DCDC1: variants seen among roughly 807,000 people sequenced by gnomAD.
The protein encoded by DCDC1 is doublecortin domain containing 1.
DCDC1 carries 200 observed loss-of-function variants against 178.3 expected under a neutral mutation model. That is an observed-to-expected ratio of 1.12 (90% CI 1.00 to 1.26). The LOEUF (loss-of-function observed/expected upper bound fraction) is 1.26, where lower values mean the gene tolerates loss of function less well. DCDC1 is among the 50% of genes most tolerant of loss of function. The probability of loss-of-function intolerance (pLI) is 0.00; values close to 1 mark genes in which losing one functional copy is unlikely to be tolerated. For synonymous variants in DCDC1, 690 were observed against 604.8 expected (o/e 1.14, Z -2.07); for missense variants, 1,983 against 1,749.2 (o/e 1.13, Z -2.38).
chr11:31,348,977 C>A (rs1950942874), intron 1 of DCDC1, among the ~76,000 whole-genome samples: 2 of 151,830 alleles, frequency 1.3e-5, no homozygotes, highest in South Asian at 4.2e-4. Context: ...ATAGTTATAT[C>A]CCTGAGTAAA....
chr11:31,253,232 T>C (rs1300027449), intron 8 of DCDC1, among the ~76,000 whole-genome samples: 2 of 152,204 alleles, frequency 1.3e-5, no homozygotes, highest in Non-Finnish European at 2.9e-5. Context: ...AGTATTTTCA[T>C]CTCTCACTAT....
intron 1 of DCDC1, among the ~76,000 whole-genome samples, chr11:31,344,972 C>T (rs574707393): frequency 2.0e-5 from 3 of 152,260 alleles, no homozygotes; most frequent in East Asian, 1.9e-4. Flanking sequence ...ATTATGCATG[C>T]TCTCCCCAAC....
intron 38 of DCDC1, among the ~76,000 whole-genome samples, chr11:30,873,278 G>A (rs1941766362): frequency 7.0e-6 from 1 of 143,166 alleles, no homozygotes; most frequent in Non-Finnish European, 1.5e-5. Flanking sequence ...AAGAGGCAAG[G>A]AAAAATTTAA....
intron 20 of DCDC1, among the ~76,000 whole-genome samples, chr11:31,015,418 C>T (rs913420540): frequency 2.0e-5 from 3 of 152,004 alleles, no homozygotes; most frequent in Non-Finnish European, 2.9e-5. Context: ...TTCCTTTTAT[C>T]TTGCTCATCA....
chr11:31,091,304 A>T, intron 17 of DCDC1, 89 bp downstream of exon 17: 1 of 593,850 alleles, frequency 1.7e-6, no homozygotes, highest in East Asian at 2.8e-5. Context: ...TGAATATTCA[A>T]TCCAAACCAG....
At chr11:31,331,511 T>C (rs985629197) in intron 2 of DCDC1, among the ~76,000 whole-genome samples, 1 of 152,228 alleles carries the variant, frequency 6.6e-6, no homozygotes, top group Non-Finnish European at 1.5e-5. Flanking sequence ...TGATATTGGC[T>C]GGGGGTTTGT....
intron 27 of DCDC1, among the ~76,000 whole-genome samples, chr11:30,912,778 CCT>C (rs1314502453): frequency 6.6e-6 from 1 of 152,120 alleles, no homozygotes; most frequent in African/African-American, 2.4e-5. Context: ...TGGGCAATCT[CCT>C]TCAGCCATAG....
At chr11:30,949,676 T>TA (rs1421503451) in intron 21 of DCDC1, among the ~76,000 whole-genome samples, 2 of 151,972 alleles carry the variant, frequency 1.3e-5, no homozygotes, top group Non-Finnish European at 2.9e-5. Context: ...CATGCAGCCA[T>TA]AAAAAGGGAT....
intron 9 of DCDC1, among the ~76,000 whole-genome samples, chr11:31,219,631 A>G (rs1974014585): frequency 6.6e-6 from 1 of 152,216 alleles, no homozygotes. Context: ...TCATTCTTTC[A>G]CTGGTTTATC....
At chr11:30,946,723 G>A (rs16921591) in intron 21 of DCDC1, among the ~76,000 whole-genome samples, 2,928 of 152,286 alleles carry the variant, frequency 0.019, 91 homozygotes, top group African/African-American at 0.066. Context: ...TTGACTCTCT[G>A]CTGCAAACAA....
chr11:31,011,931 G>T (rs551411992), intron 20 of DCDC1, among the ~76,000 whole-genome samples: 1 of 152,186 alleles, frequency 6.6e-6, no homozygotes, highest in Non-Finnish European at 1.5e-5. Context: ...AATCCCCAGC[G>T]TTGGAGGAGG....
intron 20 of DCDC1, among the ~76,000 whole-genome samples, chr11:30,978,764 T>G (rs2134765771): frequency 7.2e-6 from 1 of 139,476 alleles, no homozygotes. Context: ...TTCTTCATCC[T>G]CCCAGTCCCC....
intron 1 of DCDC1, among the ~76,000 whole-genome samples, chr11:31,347,580 G>T (rs903514535): frequency 6.6e-6 from 1 of 152,124 alleles, no homozygotes; most frequent in Admixed American, 6.6e-5. Flanking sequence ...CAATGAAATA[G>T]GTTGACACTC....
intron 7 of DCDC1, among the ~76,000 whole-genome samples, chr11:31,282,748 C>T (rs1475761793): frequency 6.6e-6 from 1 of 152,036 alleles, no homozygotes; most frequent in Non-Finnish European, 1.5e-5. Context: ...TAGTTTAGGT[C>T]TGCTGGACAC....
At chr11:31,120,138 C>T (rs1960584075) in intron 11 of DCDC1, among the ~76,000 whole-genome samples, 1 of 152,158 alleles carries the variant, frequency 6.6e-6, no homozygotes, top group African/African-American at 2.4e-5. Context: ...GAACTAGATG[C>T]TGGATGAAGA....
rs567893738 is a variant in DCDC1, at chr11:30,872,910, C to A, written c.*40+5634G>T. Among the ~76,000 whole-genome samples the A allele has an allele frequency of 3.9e-5, 6 of 151,970 alleles. No individual in the cohort carries two copies. The East Asian group carries it at 1.2e-3, about 29-fold the overall frequency. ...CTCCTCCCCAGCACACAGCATGAGC[C>A]CCACGGGGACAGGGATCACATCTGT... On this transcript the variant is annotated intron_variant, in intron 38 of 38. Coordinates refer to ENST00000684477, the MANE Select transcript of DCDC1 (RefSeq NM_001387274.1).
At chr11:31,014,123 A>G (rs1259452548) in intron 20 of DCDC1, among the ~76,000 whole-genome samples, 2 of 152,220 alleles carry the variant, frequency 1.3e-5, no homozygotes, top group Non-Finnish European at 2.9e-5. Flanking sequence ...AAATGAGGTC[A>G]TAAGGGTGGG....
intron 36 of DCDC1, among the ~76,000 whole-genome samples, chr11:30,890,392 T>C (rs1943667753): frequency 6.6e-6 from 1 of 152,212 alleles, no homozygotes; most frequent in Non-Finnish European, 1.5e-5. Flanking sequence ...TGCTAACCAT[T>C]TTTCTGCTTA....
chr11:30,969,573 C>G (rs1949664263), intron 20 of DCDC1, among the ~76,000 whole-genome samples: 1 of 152,092 alleles, frequency 6.6e-6, no homozygotes, highest in Non-Finnish European at 1.5e-5. Flanking sequence ...TTTGTTACAC[C>G]AGCCAAAGGA....
Sources: gnomAD v4.1 joint callset for allele counts (sites outside exome capture counted in the v4.1 genomes callset) on GRCh38, gnomAD v4.1.1 for gene constraint, MANE v1.5 for transcripts, NCBI Gene and HGNC (gene_info 2026-07-23, HGNC 2026-07-21) for gene names.